GMDS: variants seen among roughly 807,000 people sequenced by gnomAD.
GMDS encodes the protein GDP-mannose 4,6 dehydratase.
In GMDS, 20 loss-of-function variants were observed where a neutral mutation model predicts 49.9. That is an observed-to-expected ratio of 0.40 (90% CI 0.28 to 0.58). The LOEUF is 0.58. Among genes scored for constraint, GMDS ranks in the 20% least tolerant of loss-of-function variants. The pLI is 0.42. For synonymous variants in GMDS, 177 were observed against 178.6 expected (o/e 0.99, Z 0.07); for missense variants, 362 against 481.4 (o/e 0.75, Z 2.32).
At chr6:2,016,101 A>C (rs1281156582) in intron 4 of GMDS, among the ~76,000 whole-genome samples, 13 of 149,654 alleles carry the variant, frequency 8.7e-5, no homozygotes, top group Non-Finnish European at 1.3e-4. Flanking sequence ...AAAAAAAAAA[A>C]CAGAAAAATT....
intron 7 of GMDS, among the ~76,000 whole-genome samples, chr6:1,824,398 A>T (rs1581225065): frequency 6.6e-6 from 1 of 152,222 alleles, no homozygotes; most frequent in South Asian, 2.1e-4. Flanking sequence ...AGCCTATTTC[A>T]ACTATACCGC....
At chr6:1,694,867 C>T (rs191916167) in intron 9 of GMDS, among the ~76,000 whole-genome samples, 229 of 152,286 alleles carry the variant, frequency 1.5e-3, no homozygotes, top group Middle Eastern at 3.4e-3. Flanking sequence ...TTTATAGATT[C>T]CTACCTAGTT....
intron 6 of GMDS, among the ~76,000 whole-genome samples, chr6:1,935,953 A>G (rs797000113): frequency 6.6e-6 from 1 of 152,326 alleles, no homozygotes; most frequent in African/African-American, 2.4e-5. Flanking sequence ...GGATCTCCAG[A>G]GCACAGATCA....
chr6:1,695,923 CTT>C (rs71753891), intron 9 of GMDS, among the ~76,000 whole-genome samples: 108 of 105,092 alleles, frequency 1.0e-3, no homozygotes, highest in African/African-American at 3.7e-3. Flanking sequence ...TTTTTTTTTT[CTT>C]TTTTTTTTTT....
intron 1 of GMDS, among the ~76,000 whole-genome samples, chr6:2,172,525 T>A (rs1273637473): frequency 6.6e-6 from 1 of 152,096 alleles, no homozygotes; most frequent in East Asian, 1.9e-4. Flanking sequence ...ACCCCATCTC[T>A]ACTAAAAATA....
intron 4 of GMDS, among the ~76,000 whole-genome samples, chr6:2,081,767 A>G (rs1772713781): frequency 6.6e-6 from 1 of 152,144 alleles, no homozygotes. Context: ...TGAAAAATTC[A>G]GCGTAGGTGA....
intron 1 of GMDS, among the ~76,000 whole-genome samples, chr6:2,151,097 A>T (rs1166089876): frequency 6.6e-6 from 1 of 152,130 alleles, no homozygotes. Context: ...AAAGAATAAG[A>T]CCTAGTATTT....
chr6:1,944,517 T>A (rs1762972575), intron 6 of GMDS, among the ~76,000 whole-genome samples: 1 of 98,854 alleles, frequency 1.0e-5, no homozygotes, highest in Non-Finnish European at 2.1e-5. Flanking sequence ...AAAATATATA[T>A]ATATTAGCCA....
At chr6:1,921,495 A>G (rs1196279105) in intron 7 of GMDS, among the ~76,000 whole-genome samples, 1 of 152,208 alleles carries the variant, frequency 6.6e-6, no homozygotes, top group African/African-American at 2.4e-5. Flanking sequence ...ATTTTTCTTA[A>G]CTTATTTTAA....
intron 1 of GMDS, among the ~76,000 whole-genome samples, chr6:2,214,877 T>C (rs1196989019): frequency 6.6e-6 from 1 of 152,176 alleles, no homozygotes; most frequent in African/African-American, 2.4e-5. Context: ...AATTAGATTA[T>C]CACAACTTTG....
chr6:1,954,216 G>T (rs1763510775), intron 6 of GMDS, among the ~76,000 whole-genome samples: 1 of 152,238 alleles, frequency 6.6e-6, no homozygotes, highest in Non-Finnish European at 1.5e-5. Flanking sequence ...TGTAATAATA[G>T]TATGTTTTTA....
chr6:2,198,560 CAA>C (rs749275809), intron 1 of GMDS, among the ~76,000 whole-genome samples: 3 of 78,224 alleles, frequency 3.8e-5, no homozygotes, highest in Admixed American at 1.4e-4. Flanking sequence ...AACAAATAAA[CAA>C]AAAAAAAAAA....
At chr6:1,902,085 C>T (rs543537690) in intron 7 of GMDS, among the ~76,000 whole-genome samples, 2 of 152,324 alleles carry the variant, frequency 1.3e-5, no homozygotes, top group African/African-American at 4.8e-5. Context: ...TTACCAAATG[C>T]CAACTGGCTC....
chr6:2,234,618 T>TA (rs574504490), intron 1 of GMDS, among the ~76,000 whole-genome samples: 5 of 150,208 alleles, frequency 3.3e-5, no homozygotes, highest in East Asian at 4.0e-4. Flanking sequence ...TCAAAAAAAA[T>TA]AAAAAAAATA....
intron 1 of GMDS, among the ~76,000 whole-genome samples, chr6:2,172,619 G>C (rs1778072969): frequency 6.6e-6 from 1 of 152,082 alleles, no homozygotes; most frequent in Non-Finnish European, 1.5e-5. Context: ...TTGAACCCGG[G>C]AGGCGGAGGT....
At chr6:1,906,760 G>A (rs768930876) in intron 7 of GMDS, among the ~76,000 whole-genome samples, 5 of 152,164 alleles carry the variant, frequency 3.3e-5, no homozygotes, top group African/African-American at 4.8e-5. Context: ...GAAAGGAGTA[G>A]GAGCTCTCCC....
rs189623712 is a variant in GMDS, at chr6:1,687,196, A to C, written c.987+39220T>G. 9.2e-5 allele frequency among the ~76,000 whole-genome samples: 14 copies of C among 152,186 alleles called. 1 individual carries two copies. In the East Asian group the frequency reaches 2.5e-3, roughly 27 times the overall value. On this transcript the variant is annotated intron_variant, in intron 9 of 10. Transcript: ENST00000380815. The stretch of plus-strand genomic sequence containing the variant: ...TCACGAACCTTCTCACTGACAAAAA[A>C]CTCCCATAACAGAAACGAAAGAGCT...
intron 1 of GMDS, among the ~76,000 whole-genome samples, chr6:2,183,027 A>G (rs1030909950): frequency 1.3e-5 from 2 of 152,136 alleles, no homozygotes; most frequent in African/African-American, 4.8e-5. Flanking sequence ...TTTGCAAATC[A>G]TTACTGTTCA....
chr6:1,899,952 C>T, intron 7 of GMDS, among the ~76,000 whole-genome samples: 1 of 151,442 alleles, frequency 6.6e-6, no homozygotes, highest in East Asian at 2.0e-4. Context: ...TCTGCCTACA[C>T]ACTAAAGAGA....
Sources: allele counts gnomAD v4.1 joint callset (sites outside exome capture counted in the v4.1 genomes callset), GRCh38; gene constraint gnomAD v4.1.1; transcripts MANE v1.5; gene names NCBI Gene and HGNC (gene_info 2026-07-23, HGNC 2026-07-21).